Variants in NDUFV3 observed in about 807,000 individuals in gnomAD.
NDUFV3 encodes NADH dehydrogenase [ubiquinone] flavoprotein 3, mitochondrial.
A neutral mutation model predicts 37.5 loss-of-function variants in NDUFV3; 44 were observed. The ratio of observed to expected loss-of-function variants is 1.17; its 90% CI spans 0.92 to 1.51. The LOEUF is 1.51. NDUFV3 is among the 40% of genes most tolerant of loss of function. NDUFV3 has a pLI of 0.00. For missense variants in NDUFV3, 580 were observed against 580.4 expected, an observed-to-expected ratio of 1.00 and a Z score of 0.01; for synonymous variants, 235 against 239.3, an observed-to-expected ratio of 0.98 and a Z score of 0.17.
At chr21:42,894,589 G>A (rs1187808052) in intron 1 of NDUFV3, among the ~76,000 whole-genome samples, 4 of 125,308 alleles carry the variant, frequency 3.2e-5, no homozygotes, top group South Asian at 4.6e-4. Context: ...GCCTCACTCT[G>A]TTGCCCAGGC....
rs538393280 is a variant in NDUFV3 at position 42,904,140 on chromosome 21, A to G, written c.1128A>G (p.Pro376=). 3.1e-6 allele frequency: 5 copies of G among 1,614,234 alleles called. No homozygotes were observed. The East Asian group carries it at 1.1e-4, about 36-fold the overall frequency. The change falls in exon 3 of 4, where the codon CCA becomes CCG. Residue 376 remains proline, a synonymous_variant. Transcript: ENST00000354250. Reference sequence around the variant, plus strand: ...AGGCAATCGTGGAAGATCAGATACCACCAAGCAATTTGGAGACAGTTCCTG... The same window carrying G: ...AGGCAATCGTGGAAGATCAGATACCGCCAAGCAATTTGGAGACAGTTCCTG... ...GGQAIVEDQI[P]PSNLETVPVE...
rs368534143 is a variant in NDUFV3 at position 42,907,127 on chromosome 21, A to G, written c.1265-1737A>G. ...CTGGTTTTGATTTTGCCATTATGTT[A>G]TATTGTGTGTCCTGCTGCAGGAGAC... is the stretch of plus-strand genomic sequence containing the variant. On this transcript the variant is annotated intron_variant, in intron 3 of 3. Transcript: ENST00000354250. 1.4e-4 allele frequency among the ~76,000 whole-genome samples: 22 copies of G among 152,258 alleles called. 1 individual carries two copies. The South Asian group carries it at 2.1e-3, about 14-fold the overall frequency.
Position 42,909,313 on chromosome 21 carries a change from T to G in NDUFV3, c.*292T>G, listed in dbSNP as rs113442181. 0.015 allele frequency: 5,503 copies of G among 369,814 alleles called. 69 individuals are homozygous for G. Among genetic ancestry groups the G allele is most frequent in the Middle Eastern group, 0.031 (33 of 1,058 alleles). 22.9% of individuals were successfully genotyped at this position (369,814 alleles called of 1,614,324 possible). On this transcript the variant is annotated 3_prime_UTR_variant, in exon 4 of 4. Coordinates refer to ENST00000354250, the MANE Select transcript of NDUFV3 (RefSeq NM_021075.4). ...CTCACCACCAGGTCCAGCTAACTTT[T>G]GTATTTTTAGTAGAGACAGGGTTTC...
rs1202686066 is a variant in NDUFV3, at chr21:42,910,393, C to T, written c.*1372C>T. ...AAACAAATTGTATTGCAGTATTTTA[C>T]CATCAGAAAAGGAAGGGAATTGTTT... On this transcript the variant is annotated 3_prime_UTR_variant, in exon 4 of 4. Transcript: ENST00000354250. 1.3e-5 allele frequency: 2 copies of T among 152,302 alleles called. No homozygotes were observed. The highest frequency in any genetic ancestry group is 1.3e-4 in the Admixed American group (2 of 15,270). 9.4% of individuals were successfully genotyped at this position (152,302 alleles called of 1,614,324 possible). A position where few individuals can be genotyped will look rare whatever the true frequency, so the allele number is the denominator to read the frequency against.
At chr21:42,907,016 T>C (rs545615963) in intron 3 of NDUFV3, 5 of 408,480 alleles carry the variant, frequency 1.2e-5, no homozygotes, top group South Asian at 9.2e-5. Flanking sequence ...GGAGCATGAA[T>C]GGAAGTTAAG....
intron 3 of NDUFV3, among the ~76,000 whole-genome samples, chr21:42,907,748 GC>G: frequency 1.3e-5 from 2 of 151,836 alleles, no homozygotes; most frequent in East Asian, 3.9e-4. Flanking sequence ...ACTGCTACTG[GC>G]CCCTGCTAAT....
intron 1 of NDUFV3, among the ~76,000 whole-genome samples, chr21:42,893,743 C>T (rs992044091): frequency 1.3e-5 from 2 of 152,238 alleles, no homozygotes; most frequent in African/African-American, 2.4e-5. Context: ...CTGTGCGGCT[C>T]CCGCACGGCT....
At chr21:42,904,650 T>G (rs1601223285) in intron 3 of NDUFV3, among the ~76,000 whole-genome samples, 1 of 22,372 alleles carries the variant, frequency 4.5e-5, no homozygotes, top group Non-Finnish European at 9.2e-5. Flanking sequence ...ACCTGGCTAA[T>G]TTTTTTTGTA....
In NDUFV3 at chr21:42,909,092, C is replaced by T. The variant is rs532419281; in HGVS notation, c.*71C>T. On this transcript the variant is annotated 3_prime_UTR_variant, in exon 4 of 4. Coordinates refer to ENST00000354250, the MANE Select transcript of NDUFV3 (RefSeq NM_021075.4). ...CTGGAGTGCAAAAATAAAATCCACT[C>T]AAGAGTCACAAGGCCCGCTGTGCAT... is the stretch of plus-strand genomic sequence containing the variant. 1.2e-5 allele frequency: 17 copies of T among 1,382,130 alleles called. No homozygotes were observed. In the African/African-American group the frequency reaches 2.3e-4, roughly 19 times the overall value. 85.6% of individuals were successfully genotyped at this position (1,382,130 alleles called of 1,614,324 possible).
rs66493713 is a variant in NDUFV3 at position 42,911,439 on chromosome 21, C to CTTTTTT, written c.*2444_*2449dup. Reference sequence around the variant, plus strand: ...CTAAAATCCACTATGCTAACCCACCCTTTTTTTTTTTTTTTTTTTTTTTTT... The same window carrying CTTTTTT: ...CTAAAATCCACTATGCTAACCCACCCTTTTTTTTTTTTTTTTTTTTTTTTTTTTTTT... On this transcript the variant is annotated 3_prime_UTR_variant, in exon 4 of 4. Transcript: ENST00000354250. 48 of 67,602 alleles carry CTTTTTT rather than the reference C, an allele frequency of 7.1e-4. 6 individuals carry two copies. The highest frequency in any genetic ancestry group is 3.0e-3 in the African/African-American group (40 of 13,542). The allele number at this position is 67,602 out of a possible 1,614,324, so 4.2% of individuals were successfully genotyped here.
intron 2 of NDUFV3, 75 bp from the exon 3 acceptor site, chr21:42,903,107 C>A: frequency 1.3e-6 from 2 of 1,570,942 alleles, no homozygotes; most frequent in South Asian, 2.3e-5. Flanking sequence ...AGTAATGTGT[C>A]ATGAAATGTC....
At position 42,909,936 on chromosome 21, in the gene NDUFV3, C is replaced by T. The variant is rs548601577; in HGVS notation, c.*915C>T. 9 of 152,200 alleles carry T rather than the reference C, an allele frequency of 5.9e-5. No homozygotes were observed. Among genetic ancestry groups the T allele is most frequent in the African/African-American group, 2.2e-4 (9 of 41,532 alleles). 9.4% of individuals were successfully genotyped at this position (152,200 alleles called of 1,614,324 possible). A position where few individuals can be genotyped will look rare whatever the true frequency, so the allele number is the denominator to read the frequency against. ...TCCTGACCTCATGATCTACCTGCCT[C>T]AGCCTCCCAAAATGCTGGCATTATA... is the stretch of plus-strand genomic sequence containing the variant. On this transcript the variant is annotated 3_prime_UTR_variant, in exon 4 of 4. Transcript: ENST00000354250.
intron 2 of NDUFV3, among the ~76,000 whole-genome samples, chr21:42,900,514 A>G (rs950580494): frequency 1.3e-5 from 2 of 152,198 alleles, no homozygotes; most frequent in African/African-American, 2.4e-5. Flanking sequence ...AAACAAACAA[A>G]CAAAAAATCC....
chr21:42,904,672 G>A (rs2058733925), intron 3 of NDUFV3, among the ~76,000 whole-genome samples: 1 of 151,724 alleles, frequency 6.6e-6, no homozygotes, highest in South Asian at 2.1e-4. Context: ...TTTTAGTAGA[G>A]ATGGGGTTTC....
intron 2 of NDUFV3, among the ~76,000 whole-genome samples, chr21:42,897,521 G>C (rs1157680638): frequency 6.6e-6 from 1 of 152,090 alleles, no homozygotes; most frequent in African/African-American, 2.4e-5. Flanking sequence ...CTACAGGCAT[G>C]TGCCACCACG....
At chr21:42,898,321 C>T (rs575110100) in intron 2 of NDUFV3, among the ~76,000 whole-genome samples, 7 of 152,110 alleles carry the variant, frequency 4.6e-5, no homozygotes, top group Admixed American at 2.0e-4. Context: ...CTGGCTCTCT[C>T]TCCCAGGCTG....
chr21:42,901,514 T>C (rs1459729420), intron 2 of NDUFV3, among the ~76,000 whole-genome samples: 1 of 151,208 alleles, frequency 6.6e-6, no homozygotes, highest in Non-Finnish European at 1.5e-5. Flanking sequence ...GGCAGGAAGA[T>C]CACTTGAGCC....
At chr21:42,902,915 AT>A (rs1348620843) in intron 2 of NDUFV3, among the ~76,000 whole-genome samples, 4 of 152,194 alleles carry the variant, frequency 2.6e-5, no homozygotes, top group Non-Finnish European at 5.9e-5. Flanking sequence ...ACCTCATACA[AT>A]GTAAATGCCA....
chr21:42,899,062 C>T (rs893883209), intron 2 of NDUFV3, among the ~76,000 whole-genome samples: 2 of 152,136 alleles, frequency 1.3e-5, no homozygotes, highest in Non-Finnish European at 2.9e-5. Context: ...CTTGGGCTCT[C>T]ATGGAGCTCC....
Sources: gnomAD v4.1 joint callset for allele counts (sites outside exome capture counted in the v4.1 genomes callset) on GRCh38, gnomAD v4.1.1 for gene constraint, MANE v1.5 for transcripts, NCBI Gene and HGNC (gene_info 2026-07-23, HGNC 2026-07-21) for gene names.